The following TRIM55 variants were observed in gnomAD, a reference collection of about 807,000 sequenced individuals.
TRIM55 encodes the protein tripartite motif containing 55.
In TRIM55, 50 loss-of-function variants were observed where a neutral mutation model predicts 60.9. The ratio of observed to expected loss-of-function variants is 0.82; its 90% CI spans 0.65 to 1.04. The LOEUF is 1.04. TRIM55 is among the 50% of genes least tolerant of loss of function. The probability of loss-of-function intolerance (pLI) is 0.00; values close to 1 mark genes in which losing one functional copy is unlikely to be tolerated. For missense variants in TRIM55, 681 were observed against 666.9 expected (o/e 1.02, Z -0.23); for synonymous variants, 237 against 238.1 (o/e 1.00, Z 0.04).
intron 4 of TRIM55, among the ~76,000 whole-genome samples, chr8:66,138,641 G>C (rs557049878): frequency 6.6e-6 from 1 of 152,188 alleles, no homozygotes; most frequent in East Asian, 1.9e-4. Flanking sequence ...TGCCCGCCTC[G>C]GACTCCCAAA....
At chr8:66,145,475 AC>A (rs1428099035) in intron 4 of TRIM55, among the ~76,000 whole-genome samples, 3 of 152,228 alleles carry the variant, frequency 2.0e-5, no homozygotes, top group Non-Finnish European at 4.4e-5. Context: ...CATTTATGAT[AC>A]TTTTTTTTGT....
chr8:66,131,060 T>C (rs1021814794), intron 2 of TRIM55, among the ~76,000 whole-genome samples: 1 of 152,042 alleles, frequency 6.6e-6, no homozygotes, highest in Non-Finnish European at 1.5e-5. Context: ...CTAATATTAA[T>C]AATTAATATA....
chr8:66,133,424 C>A (rs1809286221), intron 2 of TRIM55, among the ~76,000 whole-genome samples: 2 of 151,982 alleles, frequency 1.3e-5, no homozygotes, highest in South Asian at 4.1e-4. Flanking sequence ...TCATCATGGC[C>A]CCTGCCCTTA....
chr8:66,115,627 C>A, the TRIM55 span, among the ~76,000 whole-genome samples: 1 of 152,172 alleles, frequency 6.6e-6, no homozygotes, highest in African/African-American at 2.4e-5. Flanking sequence ...GCAACCCAAG[C>A]TGGGAATGGA....
chr8:66,145,166 T>C (rs1001065935), intron 4 of TRIM55, among the ~76,000 whole-genome samples: 4 of 152,202 alleles, frequency 2.6e-5, no homozygotes, highest in African/African-American at 9.6e-5. Context: ...ACATCTAAGT[T>C]AGTCTCTTGT....
At chr8:66,172,083 AGAAG>A (rs796338774) in intron 9 of TRIM55, among the ~76,000 whole-genome samples, 225 of 123,922 alleles carry the variant, frequency 1.8e-3, no homozygotes, top group African/African-American at 8.2e-3. Context: ...AAGGAAGGAA[AGAAG>A]GAAGGAAGGA....
At chr8:66,158,100 G>A (rs1161350773) in intron 9 of TRIM55, among the ~76,000 whole-genome samples, 2 of 150,144 alleles carry the variant, frequency 1.3e-5, no homozygotes, top group Non-Finnish European at 3.0e-5. Context: ...TGATACTTGA[G>A]CTGGACACAG....
In TRIM55 at chr8:66,135,172, C is replaced by T; in HGVS notation, c.507+17C>T. 6.2e-7 allele frequency: 1 copy of T among 1,613,494 alleles called. No individual in the cohort carries two copies. The highest frequency in any genetic ancestry group is 8.5e-7 in the Non-Finnish European group (1 of 1,179,710). On this transcript the variant is annotated intron_variant, in intron 3 of 9. Transcript: ENST00000315962. ...AGACAGAAGGTAACAGAGCTGCTCC[C>T]TCCCTCCCGCAACCCCTCCCCATCC...
chr8:66,159,409 G>T (rs1420408900), intron 9 of TRIM55, among the ~76,000 whole-genome samples: 2 of 152,136 alleles, frequency 1.3e-5, no homozygotes, highest in African/African-American at 2.4e-5. Flanking sequence ...TATTGTGTGG[G>T]TATGCCACTA....
intron 9 of TRIM55, among the ~76,000 whole-genome samples, chr8:66,172,145 G>T (rs1811677595): frequency 6.6e-6 from 1 of 152,172 alleles, no homozygotes; most frequent in Non-Finnish European, 1.5e-5. Flanking sequence ...AGTGCTTTAT[G>T]TGTATTACTT....
intron 4 of TRIM55, among the ~76,000 whole-genome samples, chr8:66,147,738 TG>T (rs1810173256): frequency 7.2e-6 from 1 of 138,570 alleles, no homozygotes; most frequent in African/African-American, 2.7e-5. Flanking sequence ...GAGCTTGCAG[TG>T]AGCCGAGATC....
chr8:66,156,077 C>T (rs1028283954), intron 9 of TRIM55, among the ~76,000 whole-genome samples: 3 of 152,136 alleles, frequency 2.0e-5, no homozygotes, highest in Admixed American at 6.5e-5. Context: ...GAGAAAGGAG[C>T]GGCAAAGGAC....
intron 4 of TRIM55, among the ~76,000 whole-genome samples, chr8:66,139,107 C>G (rs889382477): frequency 2.6e-5 from 4 of 152,138 alleles, no homozygotes; most frequent in African/African-American, 4.8e-5. Flanking sequence ...AGGAAACAGA[C>G]AGTACAAACT....
intron 9 of TRIM55, among the ~76,000 whole-genome samples, chr8:66,165,760 A>G (rs575958369): frequency 1.5e-4 from 23 of 152,294 alleles, no homozygotes; most frequent in African/African-American, 5.5e-4. Context: ...ACTCCAAAAT[A>G]TTGTCCGGGG....
chr8:66,163,337 TTC>T (rs1206659966), intron 9 of TRIM55, among the ~76,000 whole-genome samples: 1 of 152,224 alleles, frequency 6.6e-6, no homozygotes, highest in Non-Finnish European at 1.5e-5. Flanking sequence ...TCTCTTCTCT[TTC>T]TGTTTGTTAG....
chr8:66,169,762 C>A (rs1294802963), intron 9 of TRIM55, among the ~76,000 whole-genome samples: 1 of 152,152 alleles, frequency 6.6e-6, no homozygotes, highest in African/African-American at 2.4e-5. Context: ...CCGAGATGGG[C>A]AGAAGGGACG....
intron 4 of TRIM55, among the ~76,000 whole-genome samples, chr8:66,144,267 C>G (rs895950447): frequency 1.3e-5 from 2 of 152,200 alleles, no homozygotes; most frequent in African/African-American, 2.4e-5. Flanking sequence ...TCCCACCCAT[C>G]ATCATCTTAC....
At chr8:66,115,691 TAGTC>T in the TRIM55 span, among the ~76,000 whole-genome samples, 1 of 152,208 alleles carries the variant, frequency 6.6e-6, no homozygotes, top group Non-Finnish European at 1.5e-5. Context: ...GCATAGTGGT[TAGTC>T]AGGCAGGCTG....
chr8:66,125,698 G>T (rs1808793684), upstream of TRIM55, among the ~76,000 whole-genome samples: 1 of 152,114 alleles, frequency 6.6e-6, no homozygotes, highest in Non-Finnish European at 1.5e-5. Flanking sequence ...AAAGGACTAA[G>T]ATAATTCTCT....
Sources: gnomAD v4.1 joint callset for allele counts (sites outside exome capture counted in the v4.1 genomes callset) on GRCh38, gnomAD v4.1.1 for gene constraint, MANE v1.5 for transcripts, NCBI Gene and HGNC (gene_info 2026-07-23, HGNC 2026-07-21) for gene names.